Variants in NR3C2 observed in about 807,000 individuals in gnomAD.
NR3C2 encodes the protein mineralocorticoid receptor.
A neutral mutation model predicts 86.4 loss-of-function variants in NR3C2; 15 were observed. The observed-to-expected ratio is 0.17, with a 90% CI of 0.12 to 0.27. NR3C2 has a LOEUF of 0.27. Among genes scored for constraint, NR3C2 ranks in the 10% least tolerant of loss-of-function variants. The pLI is 1.00. For synonymous variants in NR3C2, 458 were observed against 450.5 expected, an observed-to-expected ratio of 1.02 and a Z score of -0.21; for missense variants, 960 against 1,195.6, an observed-to-expected ratio of 0.80 and a Z score of 2.91.
chr4:148,405,381 G>C (rs761923738), intron 2 of NR3C2, among the ~76,000 whole-genome samples: 4 of 152,192 alleles, frequency 2.6e-5, no homozygotes, highest in Non-Finnish European at 5.9e-5. Context: ...CTAGGAAAGG[G>C]ACAGTAGGTT....
chr4:148,441,427 T>A (rs975597754), intron 1 of NR3C2, among the ~76,000 whole-genome samples: 13 of 152,218 alleles, frequency 8.5e-5, no homozygotes, highest in Non-Finnish European at 1.0e-4. Flanking sequence ...GCCTTTAAAA[T>A]TCGGCGGTTT....
intron 2 of NR3C2, among the ~76,000 whole-genome samples, chr4:148,266,867 A>G (rs965139067): frequency 3.3e-5 from 5 of 152,152 alleles, no homozygotes; most frequent in Admixed American, 2.6e-4. Flanking sequence ...ATTCAGAGAA[A>G]TTTTTTTAAA....
chr4:148,297,524 C>A (rs1007358520), intron 2 of NR3C2, among the ~76,000 whole-genome samples: 1 of 152,154 alleles, frequency 6.6e-6, no homozygotes, highest in Admixed American at 6.5e-5. Context: ...CTTTGGGAGG[C>A]CAAGACAGGT....
At chr4:148,136,406 C>CA (rs1198288050) in intron 6 of NR3C2, among the ~76,000 whole-genome samples, 2 of 151,892 alleles carry the variant, frequency 1.3e-5, no homozygotes, top group African/African-American at 2.4e-5. Context: ...GGGGGAGAGA[C>CA]ACAGCCCCCT....
intron 2 of NR3C2, among the ~76,000 whole-genome samples, chr4:148,293,986 T>G (rs1458084477): frequency 6.6e-6 from 1 of 152,186 alleles, no homozygotes; most frequent in Admixed American, 6.5e-5. Flanking sequence ...AGTTGTCTTG[T>G]ACTCAAAGCT....
At chr4:148,299,258 A>G (rs984820853) in intron 2 of NR3C2, among the ~76,000 whole-genome samples, 4 of 152,214 alleles carry the variant, frequency 2.6e-5, no homozygotes, top group Admixed American at 1.3e-4. Context: ...GTACGGGGAC[A>G]TGAGGAAAGG....
intron 3 of NR3C2, among the ~76,000 whole-genome samples, chr4:148,234,569 G>A (rs923818228): frequency 4.0e-5 from 6 of 151,850 alleles, no homozygotes; most frequent in African/African-American, 1.2e-4. Flanking sequence ...TGTAGTCCTA[G>A]CTACTTGGGA....
At chr4:148,166,295 C>A (rs1472579725) in intron 4 of NR3C2, among the ~76,000 whole-genome samples, 1 of 152,166 alleles carries the variant, frequency 6.6e-6, no homozygotes, top group African/African-American at 2.4e-5. Context: ...ATTGCAGCAT[C>A]TTGAGGCACT....
At chr4:148,356,684 G>A (rs1016120414) in intron 2 of NR3C2, among the ~76,000 whole-genome samples, 5 of 152,180 alleles carry the variant, frequency 3.3e-5, no homozygotes, top group South Asian at 4.1e-4. Context: ...TCCCAAGGGC[G>A]GACTAATTTA....
rs527627301 is a variant in NR3C2 at position 148,352,136 on chromosome 4, T to C, written c.1757+82968A>G. On this transcript the variant is annotated intron_variant, in intron 2 of 8. Coordinates refer to ENST00000358102, the MANE Select transcript of NR3C2 (RefSeq NM_000901.5). Reference sequence around the variant, plus strand: ...CTTCCTTAAACAATGAGGATGTATTTTGCGACATAAGTCCTGGGAGAACAG... The same window carrying C: ...CTTCCTTAAACAATGAGGATGTATTCTGCGACATAAGTCCTGGGAGAACAG... Among the ~76,000 whole-genome samples the C allele has an allele frequency of 2.0e-5, 3 of 152,304 alleles. No individual in the cohort carries two copies. The South Asian group carries it at 6.2e-4, about 32-fold the overall frequency.
intron 4 of NR3C2, among the ~76,000 whole-genome samples, chr4:148,186,988 G>A (rs6854552): frequency 0.013 from 183 of 13,638 alleles, 22 homozygotes; most frequent in South Asian, 0.022. Context: ...ACTGATGTGT[G>A]TATGTATGTA....
intron 2 of NR3C2, among the ~76,000 whole-genome samples, chr4:148,373,613 TACAGGC>T (rs1169400846): frequency 6.6e-6 from 1 of 151,894 alleles, no homozygotes; most frequent in Admixed American, 6.6e-5. Context: ...TTGCTGGAGC[TACAGGC>T]ACGTGCCACC....
intron 3 of NR3C2, among the ~76,000 whole-genome samples, chr4:148,227,139 G>T (rs899989052): frequency 6.6e-6 from 1 of 151,890 alleles, no homozygotes; most frequent in African/African-American, 2.4e-5. Flanking sequence ...TGTCCTTTTC[G>T]TGGTTCAGGG....
intron 2 of NR3C2, among the ~76,000 whole-genome samples, chr4:148,383,774 C>A (rs909463220): frequency 6.6e-6 from 1 of 151,770 alleles, no homozygotes; most frequent in Non-Finnish European, 1.5e-5. Flanking sequence ...ATGGTGAAAC[C>A]CCGTCTCTAC....
intron 2 of NR3C2, among the ~76,000 whole-genome samples, chr4:148,432,986 T>C (rs979307833): frequency 6.6e-6 from 1 of 152,178 alleles, no homozygotes; most frequent in African/African-American, 2.4e-5. Context: ...AGTATGTATA[T>C]AAGCAGAATG....
At chr4:148,386,572 G>A (rs1411921706) in intron 2 of NR3C2, among the ~76,000 whole-genome samples, 2 of 152,154 alleles carry the variant, frequency 1.3e-5, no homozygotes, top group East Asian at 1.9e-4. Context: ...TGAGTTCAAC[G>A]CCCTCATTTT....
intron 4 of NR3C2, among the ~76,000 whole-genome samples, chr4:148,159,951 G>A (rs1734580622): frequency 6.6e-6 from 1 of 152,198 alleles, no homozygotes; most frequent in South Asian, 2.1e-4. Context: ...GACCCAAACA[G>A]CATTTTCTCC....
intron 3 of NR3C2, among the ~76,000 whole-genome samples, chr4:148,227,408 T>C (rs1314523989): frequency 2.0e-5 from 3 of 152,192 alleles, no homozygotes; most frequent in African/African-American, 4.8e-5. Context: ...CTAACTTTGA[T>C]TACTTGGCTA....
At chr4:148,250,280 C>T (rs1739515087) in intron 3 of NR3C2, among the ~76,000 whole-genome samples, 1 of 152,042 alleles carries the variant, frequency 6.6e-6, no homozygotes, top group African/African-American at 2.4e-5. Flanking sequence ...CATGAAAAAA[C>T]CAGGGGCCTT....
Sources: gnomAD v4.1 joint callset for allele counts (sites outside exome capture counted in the v4.1 genomes callset) on GRCh38, gnomAD v4.1.1 for gene constraint, MANE v1.5 for transcripts, NCBI Gene and HGNC (gene_info 2026-07-23, HGNC 2026-07-21) for gene names.